Variants in CCDC148 observed in about 807,000 individuals in gnomAD.
The protein encoded by CCDC148 is coiled-coil domain-containing protein 148.
CCDC148 carries 89 observed loss-of-function variants against 85.7 expected under a neutral mutation model. That is an observed-to-expected ratio of 1.04 (90% CI 0.87 to 1.24). The LOEUF is 1.24. Ranked by LOEUF, CCDC148 falls within the 50% of genes most tolerant of loss-of-function variation. CCDC148 has a pLI of 0.00. For synonymous variants in CCDC148, 230 were observed against 213.9 expected, an observed-to-expected ratio of 1.08 and a Z score of -0.66; for missense variants, 692 against 671.7, an observed-to-expected ratio of 1.03 and a Z score of -0.33.
intron 8 of CCDC148, among the ~76,000 whole-genome samples, chr2:158,312,578 C>CAAAAAAAAAAAAAAAAAAACAAAA: frequency 1.3e-5 from 1 of 76,118 alleles, no homozygotes; most frequent in Non-Finnish European, 2.3e-5. Context: ...GAATCCATCT[C>CAAAAAAAAAAAAAAAAAAACAAAA]AAAAAAAAAA....
chr2:158,193,837 T>C (rs759992573), intron 11 of CCDC148, among the ~76,000 whole-genome samples: 2 of 151,234 alleles, frequency 1.3e-5, no homozygotes, highest in Non-Finnish European at 2.9e-5. Context: ...TTACATAAGG[T>C]ATATCTCCTA....
intron 1 of CCDC148, among the ~76,000 whole-genome samples, chr2:158,428,551 C>T (rs1687180246): frequency 6.6e-6 from 1 of 151,590 alleles, no homozygotes. Flanking sequence ...TAAGAGAGGG[C>T]TAGGCTGGAA....
At chr2:158,242,124 T>G (rs759752283) in intron 10 of CCDC148, among the ~76,000 whole-genome samples, 2 of 152,204 alleles carry the variant, frequency 1.3e-5, no homozygotes, top group Non-Finnish European at 2.9e-5. Flanking sequence ...AGTGTTGGTA[T>G]AGTTCTGCCA....
intron 1 of CCDC148, among the ~76,000 whole-genome samples, chr2:158,451,737 C>T (rs1311057621): frequency 1.3e-5 from 2 of 151,850 alleles, no homozygotes; most frequent in Non-Finnish European, 2.9e-5. Context: ...TTGCCTAACT[C>T]AGGTTGGCAA....
intron 13 of CCDC148, among the ~76,000 whole-genome samples, chr2:158,174,411 T>C (rs1006664661): frequency 9.9e-5 from 15 of 152,000 alleles, no homozygotes; most frequent in Admixed American, 1.3e-4. Context: ...CCACTACTTC[T>C]ATGAAGGCTC....
intron 1 of CCDC148, among the ~76,000 whole-genome samples, chr2:158,449,684 G>C (rs1019388449): frequency 2.6e-5 from 4 of 151,910 alleles, no homozygotes; most frequent in Admixed American, 2.6e-4. Context: ...CCTGACCTGA[G>C]GTGATCTGCC....
intron 1 of CCDC148, among the ~76,000 whole-genome samples, chr2:158,359,118 T>G (rs1008895227): frequency 6.6e-6 from 1 of 152,160 alleles, no homozygotes; most frequent in African/African-American, 2.4e-5. Context: ...TACATCCAAA[T>G]ACATACAATG....
chr2:158,425,588 T>C (rs1220672722), intron 1 of CCDC148, among the ~76,000 whole-genome samples: 1 of 152,180 alleles, frequency 6.6e-6, no homozygotes, highest in Non-Finnish European at 1.5e-5. Context: ...TATGTGATTA[T>C]TTTTCTGTGT....
intron 11 of CCDC148, among the ~76,000 whole-genome samples, chr2:158,189,166 G>A (rs62175377): frequency 5.3e-5 from 8 of 151,866 alleles, no homozygotes; most frequent in Non-Finnish European, 1.2e-4. Flanking sequence ...CAGTACACAG[G>A]TACTGAGTAA....
At chr2:158,415,824 G>A (rs1686474439) in intron 1 of CCDC148, among the ~76,000 whole-genome samples, 1 of 152,164 alleles carries the variant, frequency 6.6e-6, no homozygotes, top group Admixed American at 6.5e-5. Flanking sequence ...CCATACTGAT[G>A]TCTGGAGGAT....
chr2:158,339,313 C>A (rs145018317), intron 5 of CCDC148, among the ~76,000 whole-genome samples: 5 of 152,232 alleles, frequency 3.3e-5, no homozygotes, highest in East Asian at 3.9e-4. Flanking sequence ...AGTGCAGTCA[C>A]AGTCACTCTG....
At chr2:158,339,193 A>C in intron 5 of CCDC148, 108 bp from the exon 6 acceptor site, 1 of 860,060 alleles carries the variant, frequency 1.2e-6, no homozygotes. Context: ...ATGAAGTTTA[A>C]AGACCTGTGG....
chr2:158,333,561 CT>C (rs1482525683), intron 7 of CCDC148, among the ~76,000 whole-genome samples: 1 of 152,096 alleles, frequency 6.6e-6, no homozygotes, highest in Non-Finnish European at 1.5e-5. Flanking sequence ...TGTTCATTTC[CT>C]GGATATCCTT....
intron 1 of CCDC148, among the ~76,000 whole-genome samples, chr2:158,402,004 G>A (rs1327619034): frequency 6.6e-6 from 1 of 151,896 alleles, no homozygotes; most frequent in African/African-American, 2.4e-5. Flanking sequence ...TCTCCTTAGG[G>A]CTTCCACAAA....
rs542954370 is a variant in CCDC148, at chr2:158,351,582, C to G, written c.148-6264G>C. Among the ~76,000 whole-genome samples, 31 of 151,500 alleles carry G rather than the reference C, an allele frequency of 2.0e-4. No individual in the cohort carries two copies. The East Asian group carries it at 4.9e-3, about 24-fold the overall frequency. Reference sequence around the variant, plus strand: ...CCTGGCTTGGAGGGTCCTATGCCCACGGAGTCTTGCTGATTGCTAGCACAG... The same window carrying G: ...CCTGGCTTGGAGGGTCCTATGCCCAGGGAGTCTTGCTGATTGCTAGCACAG... On this transcript the variant is annotated intron_variant, in intron 2 of 13. Coordinates refer to ENST00000283233, the MANE Select transcript of CCDC148 (RefSeq NM_138803.4).
chr2:158,330,894 C>T (rs1266432095), intron 7 of CCDC148, among the ~76,000 whole-genome samples: 3 of 151,948 alleles, frequency 2.0e-5, no homozygotes, highest in Non-Finnish European at 4.4e-5. Flanking sequence ...TTTGATTCTC[C>T]TCTCTTTTCT....
intron 10 of CCDC148, among the ~76,000 whole-genome samples, chr2:158,223,020 A>G (rs1574433530): frequency 6.6e-6 from 1 of 152,158 alleles, no homozygotes; most frequent in Admixed American, 6.5e-5. Flanking sequence ...AGCGTGAGGC[A>G]TCGCCTCACC....
At chr2:158,402,904 A>G (rs1255761738) in intron 1 of CCDC148, among the ~76,000 whole-genome samples, 1 of 152,128 alleles carries the variant, frequency 6.6e-6, no homozygotes, top group African/African-American at 2.4e-5. Context: ...GAGATTTTCC[A>G]GAGCTGAGAA....
At chr2:158,176,792 A>G (rs1684611722) in intron 12 of CCDC148, 131 bp from the exon 13 acceptor site, 3 of 990,236 alleles carry the variant, frequency 3.0e-6, no homozygotes, top group Admixed American at 5.4e-5. Context: ...GAAAGGGCAG[A>G]AGAAATATTA....
Sources: allele counts gnomAD v4.1 joint callset (sites outside exome capture counted in the v4.1 genomes callset), GRCh38; gene constraint gnomAD v4.1.1; transcripts MANE v1.5; gene names NCBI Gene and HGNC (gene_info 2026-07-23, HGNC 2026-07-21).